PUDP: variants seen among roughly 807,000 people sequenced by gnomAD.
PUDP encodes the protein pseudouridine-5'-phosphatase.
A neutral mutation model predicts 9.4 loss-of-function variants in PUDP; 8 were observed. The observed-to-expected ratio is 0.85, with a 90% CI of 0.50 to 1.53. The LOEUF (loss-of-function observed/expected upper bound fraction) is 1.53. Ranked by LOEUF, PUDP falls within the 40% of genes most tolerant of loss-of-function variation. The probability of loss-of-function intolerance (pLI) is 0.00; values close to 1 mark genes in which losing one functional copy is unlikely to be tolerated. For synonymous variants in PUDP, 99 were observed against 80.7 expected (o/e 1.23, Z -1.22); for missense variants, 188 against 189.7 (o/e 0.99, Z 0.05).
chrX:6,783,068 C>G (rs1280254974), intron 3 of PUDP, among the ~76,000 whole-genome samples: 1 of 111,327 alleles, frequency 9.0e-6, no homozygotes, highest in African/African-American at 3.3e-5. Flanking sequence ...GTTAGGTGTT[C>G]CTAGCCTCTA....
At chrX:6,985,271 A>T (rs1569135417) in intron 1 of PUDP, among the ~76,000 whole-genome samples, 1 of 111,953 alleles carries the variant, frequency 8.9e-6, no homozygotes, top group Non-Finnish European at 1.9e-5. Flanking sequence ...CTAAAGATAT[A>T]AGCAATTAAC....
intron 3 of PUDP, among the ~76,000 whole-genome samples, chrX:6,870,145 C>T (rs763781161): frequency 8.1e-5 from 9 of 111,396 alleles, no homozygotes; most frequent in Admixed American, 3.8e-4. Flanking sequence ...TCATGCTTAG[C>T]GAAATAAGCT....
intron 1 of PUDP, 150 bp from the exon 2 acceptor site, chrX:7,105,988 T>C: frequency 7.0e-6 from 3 of 426,229 alleles, no homozygotes; most frequent in Middle Eastern, 6.4e-4. Flanking sequence ...GGCTTGCAGG[T>C]CATTCTCACT....
chrX:6,916,190 CTACA>C (rs1396490551), intron 3 of PUDP, among the ~76,000 whole-genome samples: 1 of 76,468 alleles, frequency 1.3e-5, no homozygotes, highest in African/African-American at 4.8e-5. Context: ...CATGCTTTTT[CTACA>C]CACACACACA....
In PUDP at chrX:6,743,984, C is replaced by A. The variant is rs188716556; in HGVS notation, c.*248-37518G>T. ...TAATATCCTAAGGCATTTTAGGGAA[C>A]CTCACCCAGTGGCATCTCTTAGCTA... On this transcript the variant is annotated intron_variant and NMD_transcript_variant, in intron 3 of 3. Transcript: ENST00000655425. Among the ~76,000 whole-genome samples the A allele has an allele frequency of 3.2e-3, 362 of 111,537 alleles. 5 individuals are homozygous for A. Among genetic ancestry groups the A allele is most frequent in the African/African-American group, 0.011 (346 of 30,512 alleles).
At chrX:6,730,520 G>C (rs748409311) in intron 3 of PUDP, among the ~76,000 whole-genome samples, 1 of 111,716 alleles carries the variant, frequency 9.0e-6, no homozygotes, top group Non-Finnish European at 1.9e-5. Flanking sequence ...GTGTGCTTCT[G>C]AGAAGCACAC....
intron 3 of PUDP, among the ~76,000 whole-genome samples, chrX:6,821,569 C>A (rs1926342296): frequency 9.0e-6 from 1 of 111,663 alleles, no homozygotes; most frequent in South Asian, 3.8e-4. Context: ...TCTGACCTTC[C>A]CCAAAGCAGG....
intron 3 of PUDP, among the ~76,000 whole-genome samples, chrX:6,760,942 T>C (rs779243125): frequency 1.8e-5 from 2 of 112,414 alleles, no homozygotes; most frequent in African/African-American, 6.5e-5. Flanking sequence ...TAATTCTTAC[T>C]GTGTGTGGAT....
At chrX:6,777,491 T>G (rs912217345) in intron 3 of PUDP, among the ~76,000 whole-genome samples, 1 of 112,676 alleles carries the variant, frequency 8.9e-6, no homozygotes, top group South Asian at 3.7e-4. Flanking sequence ...TTTAGGGATC[T>G]GCAGAAGCTT....
chrX:6,780,112 G>GTTTGTGTATATATGTATATATACAT (rs1459504073), intron 3 of PUDP, among the ~76,000 whole-genome samples: 1 of 37,694 alleles, frequency 2.7e-5, no homozygotes, highest in East Asian at 5.2e-4. Flanking sequence ...AAAATCCTTT[G>GTTTGTGTATATATGTATATATACAT]TTTGTGTATA....
rs201654721 is a variant in PUDP, at chrX:6,887,568, CA to C, written c.*247+89564del. 7.5e-3 allele frequency among the ~76,000 whole-genome samples: 825 copies of C among 110,522 alleles called. 6 individuals are homozygous for C. The highest frequency in any genetic ancestry group is 0.024 in the African/African-American group (740 of 30,420). ...CGGGCGTGAGCTTTTTTTCACATTC[CA>C]ACAGTCAAGTTAGAGTACCCTGGAC... is the stretch of plus-strand genomic sequence containing the variant. On this transcript the variant is annotated intron_variant and NMD_transcript_variant, in intron 3 of 3. Coordinates refer to the PUDP transcript ENST00000655425.
chrX:7,040,300 CG>C (rs1364397463), intron 1 of PUDP, among the ~76,000 whole-genome samples: 33 of 111,692 alleles, frequency 3.0e-4, no homozygotes, highest in African/African-American at 9.7e-4. Flanking sequence ...TGTGCCTACC[CG>C]GAGCTGGGGG....
intron 3 of PUDP, among the ~76,000 whole-genome samples, chrX:6,734,229 T>C (rs1924847662): frequency 9.0e-6 from 1 of 111,361 alleles, no homozygotes; most frequent in Non-Finnish European, 1.9e-5. Flanking sequence ...ATCCAAAGGG[T>C]ATGAAGTTTC....
chrX:7,097,858 G>A (rs948895103), intron 2 of PUDP, among the ~76,000 whole-genome samples: 5 of 111,680 alleles, frequency 4.5e-5, no homozygotes, highest in Admixed American at 9.5e-5. Context: ...AAAAAAAGTA[G>A]AAGGATGGAA....
intron 3 of PUDP, among the ~76,000 whole-genome samples, chrX:6,837,449 G>C (rs1390511855): frequency 8.9e-6 from 1 of 112,871 alleles, no homozygotes; most frequent in African/African-American, 3.2e-5. Flanking sequence ...TGTCGCACTT[G>C]GGAAATCTCA....
intron 3 of PUDP, among the ~76,000 whole-genome samples, chrX:7,069,883 TAGTTTTCCTAAA>T (rs777489024): frequency 1.8e-4 from 20 of 112,128 alleles, no homozygotes; most frequent in East Asian, 5.6e-4. Flanking sequence ...ACGGCCCACT[TAGTTTTCCTAAA>T]AGTTTTCCTA....
intron 3 of PUDP, among the ~76,000 whole-genome samples, chrX:6,975,779 C>A (rs1268101936): frequency 8.9e-6 from 1 of 112,212 alleles, no homozygotes; most frequent in Non-Finnish European, 1.9e-5. Flanking sequence ...AGCCAGCAGG[C>A]AGGAATGCTG....
chrX:6,885,576 C>T (rs1317467178), intron 3 of PUDP, among the ~76,000 whole-genome samples: 1 of 112,289 alleles, frequency 8.9e-6, no homozygotes, highest in Non-Finnish European at 1.9e-5. Flanking sequence ...CCAAAGCCAG[C>T]TCACCACCTG....
chrX:7,106,532 A>G (rs1931888268), intron 1 of PUDP, among the ~76,000 whole-genome samples: 1 of 112,428 alleles, frequency 8.9e-6, no homozygotes, highest in African/African-American at 3.2e-5. Context: ...ATTACACTAC[A>G]TACAATATAA....
Sources: allele counts gnomAD v4.1 joint callset (sites outside exome capture counted in the v4.1 genomes callset), GRCh38; gene constraint gnomAD v4.1.1; transcripts MANE v1.5; gene names NCBI Gene and HGNC (gene_info 2026-07-23, HGNC 2026-07-21).